Variants in CTNNA3 observed in about 807,000 individuals in gnomAD.
CTNNA3 encodes the protein catenin alpha 3, also known as catenin alpha-3.
Under a neutral mutation model 95.7 loss-of-function variants are expected in CTNNA3, and 76 were observed. The ratio of observed to expected loss-of-function variants is 0.79; its 90% CI spans 0.66 to 0.96. The LOEUF (loss-of-function observed/expected upper bound fraction) is 0.96, where lower values mean the gene tolerates loss of function less well. Ranked by LOEUF, CTNNA3 falls within the 40% of genes least tolerant of loss-of-function variation. The pLI is 0.00. For missense variants in CTNNA3, 1,191 were observed against 1,089.8 expected (o/e 1.09, Z -1.31); for synonymous variants, 431 against 374.4 (o/e 1.15, Z -1.74).
chr10:66,322,915 T>C (rs1241503674), intron 12 of CTNNA3, among the ~76,000 whole-genome samples: 1 of 151,886 alleles, frequency 6.6e-6, no homozygotes, highest in Non-Finnish European at 1.5e-5. Flanking sequence ...AGAACCAATC[T>C]GGTATAAGCC....
At chr10:66,542,408 T>C (rs1291989344) in intron 10 of CTNNA3, among the ~76,000 whole-genome samples, 12 of 152,126 alleles carry the variant, frequency 7.9e-5, no homozygotes, top group Non-Finnish European at 1.5e-4. Flanking sequence ...CAAAGGAATA[T>C]AAATCATGCT....
chr10:66,095,906 T>C (rs1378151881), intron 14 of CTNNA3, among the ~76,000 whole-genome samples: 1 of 152,084 alleles, frequency 6.6e-6, no homozygotes, highest in Admixed American at 6.6e-5. Context: ...ACAAACTATA[T>C]GCTCTTAAGT....
intron 7 of CTNNA3, among the ~76,000 whole-genome samples, chr10:66,939,808 A>C (rs1048963017): frequency 6.6e-6 from 1 of 152,188 alleles, no homozygotes; most frequent in Non-Finnish European, 1.5e-5. Flanking sequence ...GACTTTTGAG[A>C]ACCTTGCAGT....
chr10:67,671,818 A>T (rs1468149451), intron 1 of CTNNA3, among the ~76,000 whole-genome samples: 2 of 151,978 alleles, frequency 1.3e-5, no homozygotes, highest in African/African-American at 4.8e-5. Flanking sequence ...CACAATAAAC[A>T]TACGTGTGCA....
intron 7 of CTNNA3, among the ~76,000 whole-genome samples, chr10:67,163,788 G>A (rs1861649418): frequency 6.6e-6 from 1 of 151,842 alleles, no homozygotes; most frequent in Admixed American, 6.6e-5. Flanking sequence ...ATTTCAGGAG[G>A]GTTGCAGGAT....
chr10:66,249,120 C>A (rs1283003679), intron 13 of CTNNA3, among the ~76,000 whole-genome samples: 2 of 151,942 alleles, frequency 1.3e-5, no homozygotes, highest in Admixed American at 6.6e-5. Flanking sequence ...AAAACTAGAC[C>A]CCTATCTCTC....
At chr10:66,388,834 G>A (rs1486631920) in intron 11 of CTNNA3, among the ~76,000 whole-genome samples, 9 of 151,998 alleles carry the variant, frequency 5.9e-5, no homozygotes, top group South Asian at 2.1e-4. Flanking sequence ...ACTGTGACAC[G>A]TTCCCATTAC....
intron 13 of CTNNA3, among the ~76,000 whole-genome samples, chr10:66,205,572 G>A (rs10996972): frequency 0.17 from 25,308 of 151,722 alleles, 2,537 homozygotes; most frequent in South Asian, 0.38. Flanking sequence ...CCACCATTGT[G>A]TATGCAAGGT....
intron 5 of CTNNA3, among the ~76,000 whole-genome samples, chr10:67,273,466 T>C (rs76237251): frequency 0.021 from 3,131 of 152,266 alleles, 56 homozygotes; most frequent in Non-Finnish European, 0.032. Context: ...AGAACTCTTA[T>C]ACATTAGTCA....
intron 5 of CTNNA3, among the ~76,000 whole-genome samples, chr10:67,508,436 T>C (rs1165645983): frequency 6.6e-6 from 1 of 152,074 alleles, no homozygotes; most frequent in Non-Finnish European, 1.5e-5. Flanking sequence ...ATAAGTGGGG[T>C]TGGGAAAATT....
intron 11 of CTNNA3, among the ~76,000 whole-genome samples, chr10:66,507,678 AT>A (rs1002195622): frequency 6.6e-6 from 1 of 151,882 alleles, no homozygotes; most frequent in African/African-American, 2.4e-5. Context: ...ACAATATTTC[AT>A]TTTTTAAATA....
At chr10:66,201,783 CTTTTTT>C (rs1236010501) in intron 13 of CTNNA3, among the ~76,000 whole-genome samples, 15 of 79,368 alleles carry the variant, frequency 1.9e-4, no homozygotes, top group Non-Finnish European at 2.2e-4. Flanking sequence ...TTTACTTTTT[CTTTTTT>C]TTTTTTTTTT....
intron 5 of CTNNA3, among the ~76,000 whole-genome samples, chr10:67,259,391 G>C (rs1331725146): frequency 3.3e-5 from 5 of 151,806 alleles, no homozygotes; most frequent in Admixed American, 6.6e-5. Context: ...CACTGACCCT[G>C]AAGTTATATA....
At position 66,602,360 on chromosome 10, in the gene CTNNA3, T is replaced by C. The variant is rs561184944; in HGVS notation, c.1374+19332A>G. ...TTACCTTCTGAATTACATAAAAGTA[T>C]CTTAAGTTTTAAAGCTTTTTTTAAA... On this transcript the variant is annotated intron_variant, in intron 10 of 17. Coordinates refer to ENST00000433211, the MANE Select transcript of CTNNA3 (RefSeq NM_013266.4). 1.1e-4 allele frequency among the ~76,000 whole-genome samples: 17 copies of C among 152,090 alleles called. 1 individual carries two copies. The South Asian group carries it at 3.5e-3, about 32-fold the overall frequency.
intron 1 of CTNNA3, among the ~76,000 whole-genome samples, chr10:67,685,356 A>T (rs373705185): frequency 6.6e-6 from 1 of 152,262 alleles, no homozygotes; most frequent in East Asian, 1.9e-4. Context: ...ACATTTAAGC[A>T]GACCAATTAT....
At chr10:66,859,943 A>C in intron 7 of CTNNA3, among the ~76,000 whole-genome samples, 1 of 129,254 alleles carries the variant, frequency 7.7e-6, no homozygotes, top group African/African-American at 3.0e-5. Context: ...ACATGTTCTC[A>C]CTCATAGGTG....
chr10:67,449,430 C>A (rs1227209897), intron 5 of CTNNA3, among the ~76,000 whole-genome samples: 1 of 152,104 alleles, frequency 6.6e-6, no homozygotes, highest in Non-Finnish European at 1.5e-5. Context: ...CAATTTCAAA[C>A]TATACTACAG....
chr10:67,577,731 C>CA (rs1357661559), intron 3 of CTNNA3, among the ~76,000 whole-genome samples: 1 of 148,938 alleles, frequency 6.7e-6, no homozygotes, highest in African/African-American at 2.5e-5. Flanking sequence ...TGTATATATA[C>CA]TACATTTTCT....
chr10:66,988,892 C>T (rs532957418), intron 7 of CTNNA3, among the ~76,000 whole-genome samples: 2 of 151,988 alleles, frequency 1.3e-5, no homozygotes, highest in Admixed American at 6.6e-5. Flanking sequence ...TTAAATACAC[C>T]GGGTTCCCCT....
Sources: allele counts gnomAD v4.1 joint callset (sites outside exome capture counted in the v4.1 genomes callset), GRCh38; gene constraint gnomAD v4.1.1; transcripts MANE v1.5; gene names NCBI Gene and HGNC (gene_info 2026-07-23, HGNC 2026-07-21).